ERG: variants seen among roughly 807,000 people sequenced by gnomAD.
The protein encoded by ERG is transcriptional regulator ERG.
ERG carries 9 observed loss-of-function variants against 55.3 expected under a neutral mutation model. That is an observed-to-expected ratio of 0.16 (90% CI 0.10 to 0.28). The LOEUF is 0.28. Among genes scored for constraint, ERG ranks in the 10% least tolerant of loss-of-function variants. ERG has a pLI of 1.00. For synonymous variants in ERG, 223 were observed against 237.3 expected, an observed-to-expected ratio of 0.94 and a Z score of 0.55; for missense variants, 434 against 631.6, an observed-to-expected ratio of 0.69 and a Z score of 3.35.
At chr21:38,527,456 T>C (rs2059638113) in intron 2 of ERG, among the ~76,000 whole-genome samples, 1 of 152,226 alleles carries the variant, frequency 6.6e-6, no homozygotes, top group African/African-American at 2.4e-5. Flanking sequence ...TAGTGAACGC[T>C]GAGGAATGAC....
intron 1 of ERG, among the ~76,000 whole-genome samples, chr21:38,473,825 C>T (rs1008813506): frequency 7.3e-5 from 11 of 151,390 alleles, no homozygotes; most frequent in Admixed American, 2.0e-4. Context: ...TACATGTTTG[C>T]GTACGTATGC....
At chr21:38,447,006 T>C (rs2058898172) in intron 1 of ERG, among the ~76,000 whole-genome samples, 1 of 152,038 alleles carries the variant, frequency 6.6e-6, no homozygotes, top group Non-Finnish European at 1.5e-5. Context: ...ATAAGGGTGC[T>C]TCCCATCAGT....
At chr21:38,598,189 C>T (rs1305538663) in intron 1 of ERG, among the ~76,000 whole-genome samples, 1 of 152,212 alleles carries the variant, frequency 6.6e-6, no homozygotes, top group African/African-American at 2.4e-5. Context: ...CCCAGAACCC[C>T]AAGACTCCAG....
intron 1 of ERG, among the ~76,000 whole-genome samples, chr21:38,635,625 G>C (rs1201263390): frequency 6.6e-6 from 1 of 152,074 alleles, no homozygotes; most frequent in African/African-American, 2.4e-5. Context: ...GTTACAAAAG[G>C]ATTCAATGTG....
At position 38,381,410 on chromosome 21, in the gene ERG, A is replaced by G. The variant is rs1987428807; in HGVS notation, c.*1993T>C. On this transcript the variant is annotated 3_prime_UTR_variant, in exon 10 of 10. Coordinates refer to ENST00000288319, the MANE Select transcript of ERG (RefSeq NM_182918.4). ...CTGACTCTAGATTATGGAAATAAACATTGTCTTCAAGGGATAGCCAGCAAC... is the reference window on the plus strand; with the variant it reads ...CTGACTCTAGATTATGGAAATAAACGTTGTCTTCAAGGGATAGCCAGCAAC... 1.9e-6 allele frequency: 2 copies of G among 1,062,926 alleles called. No homozygotes were observed. The highest frequency in any genetic ancestry group is 2.3e-6 in the Non-Finnish European group (2 of 877,798). The allele number at this position is 1,062,926 out of a possible 1,614,324, so 65.8% of individuals were successfully genotyped here. A position where few individuals can be genotyped will look rare whatever the true frequency, so the allele number is the denominator to read the frequency against.
At chr21:38,501,569 T>G (rs1472476786), upstream of ERG, among the ~76,000 whole-genome samples, 2 of 152,030 alleles carry the variant, frequency 1.3e-5, no homozygotes, top group Non-Finnish European at 2.9e-5. Context: ...CTCCTCTCCC[T>G]AGGGAAATAT....
At chr21:38,443,032 C>T (rs528537603) in intron 2 of ERG, among the ~76,000 whole-genome samples, 1 of 152,326 alleles carries the variant, frequency 6.6e-6, no homozygotes, top group Non-Finnish European at 1.5e-5. Flanking sequence ...TGGTCTCGAT[C>T]TCTTGACCTC....
intron 1 of ERG, among the ~76,000 whole-genome samples, chr21:38,625,341 C>A (rs1299003615): frequency 6.6e-6 from 1 of 151,864 alleles, no homozygotes; most frequent in African/African-American, 2.4e-5. Flanking sequence ...TCTACTTGCA[C>A]CATTAGTTTG....
At chr21:38,554,338 A>G (rs62219639) in intron 2 of ERG, among the ~76,000 whole-genome samples, 73,169 of 152,110 alleles carry the variant, frequency 0.48, 19,586 homozygotes, top group Non-Finnish European at 0.62. Context: ...GGGTATATAA[A>G]GGAATATAAA....
At chr21:38,636,798 G>A (rs926621232) in intron 1 of ERG, among the ~76,000 whole-genome samples, 11 of 152,114 alleles carry the variant, frequency 7.2e-5, no homozygotes, top group African/African-American at 2.7e-4. Flanking sequence ...TGGATTCCGG[G>A]GCCCTGTACT....
intron 5 of ERG, among the ~76,000 whole-genome samples, chr21:38,400,852 GC>G (rs1988456547): frequency 6.6e-6 from 1 of 152,110 alleles, no homozygotes; most frequent in Non-Finnish European, 1.5e-5. Context: ...GTACTCCTGT[GC>G]CCCGTTTGCT....
At chr21:38,588,380 G>A (rs935927798), upstream of ERG, among the ~76,000 whole-genome samples, 1 of 152,096 alleles carries the variant, frequency 6.6e-6, no homozygotes, top group African/African-American at 2.4e-5. Flanking sequence ...ATGACCCCTG[G>A]GATTCAGTAT....
At chr21:38,538,018 A>G (rs2059724328) in intron 2 of ERG, among the ~76,000 whole-genome samples, 1 of 152,206 alleles carries the variant, frequency 6.6e-6, no homozygotes, top group South Asian at 2.1e-4. Flanking sequence ...GGACCTTTGG[A>G]AAGTTAAGAG....
chr21:38,500,266 A>C (rs1403814079), upstream of ERG, among the ~76,000 whole-genome samples: 3 of 152,354 alleles, frequency 2.0e-5, no homozygotes, highest in East Asian at 5.8e-4. Context: ...TTTGCTAATG[A>C]AATAGCCACG....
chr21:38,596,058 G>A (rs865921936), intron 1 of ERG, among the ~76,000 whole-genome samples: 2,399 of 13,792 alleles, frequency 0.17, 40 homozygotes, highest in Non-Finnish European at 0.34. Flanking sequence ...TGTGGGATTG[G>A]GGGGGGGGGG....
intron 2 of ERG, among the ~76,000 whole-genome samples, chr21:38,440,650 A>G (rs1251057153): frequency 2.0e-5 from 3 of 151,968 alleles, no homozygotes; most frequent in Non-Finnish European, 2.9e-5. Context: ...GTGAAGCCCC[A>G]TCTCCGCTAA....
Position 38,400,556 on chromosome 21 carries a change from A to G in ERG, c.745+18T>C, listed in dbSNP as rs1251132675. On this transcript the variant is annotated intron_variant, in intron 6 of 9. Coordinates refer to ENST00000288319, the MANE Select transcript of ERG (RefSeq NM_182918.4). Reference sequence around the variant, plus strand: ...GGATGTCTCTCAATGAAGAGATCACACAGGGGTGTTTTCGTACCTGGCCTA... The same window carrying G: ...GGATGTCTCTCAATGAAGAGATCACGCAGGGGTGTTTTCGTACCTGGCCTA... 1 of 1,592,256 alleles carries G rather than the reference A, an allele frequency of 6.3e-7. No individual in the cohort carries two copies. The highest frequency in any genetic ancestry group is 1.3e-5 in the African/African-American group (1 of 74,470).
chr21:38,657,939 C>A (rs1319945522), intron 1 of ERG, among the ~76,000 whole-genome samples: 1 of 152,208 alleles, frequency 6.6e-6, no homozygotes, highest in Non-Finnish European at 1.5e-5. Context: ...ACCACTGCCA[C>A]TAAGTACCAT....
Position 38,456,858 on chromosome 21 carries a change from A to T in ERG, c.19-11237T>A, listed in dbSNP as rs184680862. Reference sequence around the variant, plus strand: ...TGCATGGAAAGGGGACTAAGTAGCCAGGTCATCAGAGCCCTTTGCTAATGT... The same window carrying T: ...TGCATGGAAAGGGGACTAAGTAGCCTGGTCATCAGAGCCCTTTGCTAATGT... On this transcript the variant is annotated intron_variant, in intron 1 of 9. Transcript: ENST00000288319. Among the ~76,000 whole-genome samples, 41 of 152,338 alleles carry T rather than the reference A, an allele frequency of 2.7e-4. No individual in the cohort carries two copies. In the East Asian group the frequency reaches 4.4e-3, roughly 16 times the overall value.
Sources: allele counts gnomAD v4.1 joint callset (sites outside exome capture counted in the v4.1 genomes callset), GRCh38; gene constraint gnomAD v4.1.1; transcripts MANE v1.5; gene names NCBI Gene and HGNC (gene_info 2026-07-23, HGNC 2026-07-21).